MRTFA: variants seen among roughly 807,000 people sequenced by gnomAD.
MRTFA encodes the protein myocardin related transcription factor A, also known as myocardin-related transcription factor A.
A neutral mutation model predicts 83.5 loss-of-function variants in MRTFA; 20 were observed. That is an observed-to-expected ratio of 0.24 (90% CI 0.17 to 0.35). The LOEUF (loss-of-function observed/expected upper bound fraction) is 0.35, where lower values mean the gene tolerates loss of function less well. Among genes scored for constraint, MRTFA ranks in the 10% least tolerant of loss-of-function variants. The pLI, the probability that MRTFA is intolerant of heterozygous loss-of-function variation, is 1.00. For missense variants in MRTFA, 1,200 were observed against 1,224.7 expected (o/e 0.98, Z 0.30); for synonymous variants, 659 against 541.2 (o/e 1.22, Z -3.02).
intron 2 of MRTFA, among the ~76,000 whole-genome samples, chr22:40,555,667 C>T (rs1313500014): frequency 6.7e-6 from 1 of 149,734 alleles, no homozygotes; most frequent in Admixed American, 6.7e-5. Context: ...GGCAGAGTCT[C>T]GCTCTGTTGC....
chr22:40,619,671 C>G (rs1602503032), intron 1 of MRTFA, among the ~76,000 whole-genome samples: 1 of 151,972 alleles, frequency 6.6e-6, no homozygotes, highest in Middle Eastern at 3.4e-3. Flanking sequence ...GGGCGGATCA[C>G]GAGGTCAGGA....
At chr22:40,497,084 C>T (rs983660692) in intron 3 of MRTFA, among the ~76,000 whole-genome samples, 1 of 152,202 alleles carries the variant, frequency 6.6e-6, no homozygotes, top group African/African-American at 2.4e-5. Context: ...ATGGAGTTGA[C>T]ACTACAGGCT....
intron 2 of MRTFA, among the ~76,000 whole-genome samples, chr22:40,576,017 G>A (rs1423115606): frequency 1.3e-5 from 2 of 149,638 alleles, no homozygotes; most frequent in Admixed American, 6.7e-5. Context: ...CATATGTATA[G>A]ATGTAAATTT....
chr22:40,498,838 C>A (rs2054406885), intron 3 of MRTFA, among the ~76,000 whole-genome samples: 1 of 152,106 alleles, frequency 6.6e-6, no homozygotes, highest in South Asian at 2.1e-4. Context: ...TCACCTGTTG[C>A]CAACTCTGGT....
rs542428530 is a variant in MRTFA at position 40,441,820 on chromosome 22, A to G, written c.308-6266T>C. On this transcript the variant is annotated intron_variant, in intron 4 of 14. Coordinates refer to ENST00000355630, the MANE Select transcript of MRTFA (RefSeq NM_020831.6). ...AAAATATATACATGTATGTATGTGT[A>G]TATATATATATACACACACACACAC... Among the ~76,000 whole-genome samples, 58 of 147,374 alleles carry G rather than the reference A, an allele frequency of 3.9e-4. 1 individual carries two copies. Among genetic ancestry groups the G allele is most frequent in the Admixed American group, 1.5e-3 (23 of 14,856 alleles).
chr22:40,418,927 C>CG lies in MRTFA; in HGVS notation c.1810dup (p.Arg604ProfsTer128). The CG allele has an allele frequency of 1.2e-6, 2 of 1,612,770 alleles. No individual in the cohort carries two copies. Among genetic ancestry groups the CG allele is most frequent in the Non-Finnish European group, 1.7e-6 (2 of 1,179,920 alleles). On this transcript the variant is annotated frameshift_variant, in exon 12 of 15. Coordinates refer to ENST00000355630, the MANE Select transcript of MRTFA (RefSeq NM_020831.6). LOFTEE classifies it high-confidence loss of function. ...AGGGCTCAGGCAACAGGACCCGGCC[C>CG]GGGGGCCCTCCTCCTTCACGAGGAT... is the stretch of plus-strand genomic sequence containing the variant.
chr22:40,626,951 T>C (rs2056589805), intron 1 of MRTFA, among the ~76,000 whole-genome samples: 1 of 151,024 alleles, frequency 6.6e-6, no homozygotes, highest in South Asian at 2.1e-4. Flanking sequence ...ACACCAAAAT[T>C]CAACACAGTG....
At chr22:40,462,428 C>T (rs946232028) in intron 4 of MRTFA, among the ~76,000 whole-genome samples, 6 of 152,156 alleles carry the variant, frequency 3.9e-5, no homozygotes, top group African/African-American at 1.4e-4. Context: ...GTTCTCCCAC[C>T]ATGAAGCCAG....
rs558305819 is a variant in MRTFA at position 40,411,492 on chromosome 22, G to A, written c.2994C>T (p.Pro998=). 146 of 1,610,462 alleles carry A rather than the reference G, an allele frequency of 9.1e-5. No homozygotes were observed. The highest frequency in any genetic ancestry group is 5.0e-4 in the Middle Eastern group (3 of 6,044). ...TGCTGAGGGGGGCTAGGCTCAGCAC[G>A]GGACCACCTGACGACAGCTCCAGCC... Residue 998 remains proline, a synonymous_variant, in exon 15 of 15, where the codon CCC becomes CCT. Coordinates refer to ENST00000355630, the MANE Select transcript of MRTFA (RefSeq NM_020831.6).
chr22:40,595,588 G>A (rs886245367), intron 1 of MRTFA, among the ~76,000 whole-genome samples: 3 of 152,086 alleles, frequency 2.0e-5, no homozygotes, highest in African/African-American at 7.2e-5. Flanking sequence ...TTCCCTTAAG[G>A]AGTTGAGAAA....
intron 3 of MRTFA, among the ~76,000 whole-genome samples, chr22:40,543,379 C>T (rs1325968582): frequency 6.6e-6 from 1 of 152,098 alleles, no homozygotes; most frequent in African/African-American, 2.4e-5. Flanking sequence ...CCACAGGCTG[C>T]ACATGTGAAA....
chr22:40,512,316 G>A (rs2054681540), intron 3 of MRTFA, among the ~76,000 whole-genome samples: 2 of 152,228 alleles, frequency 1.3e-5, no homozygotes, highest in Admixed American at 6.5e-5. Context: ...AATGGACACA[G>A]ATGATAACCA....
chr22:40,635,469 G>A (rs2056685680), intron 1 of MRTFA, among the ~76,000 whole-genome samples: 1 of 152,292 alleles, frequency 6.6e-6, no homozygotes, highest in South Asian at 2.1e-4. Flanking sequence ...TACGAAGCAT[G>A]GGGTAATTCC....
chr22:40,494,497 T>C (rs765511219), intron 3 of MRTFA, among the ~76,000 whole-genome samples: 3 of 151,986 alleles, frequency 2.0e-5, no homozygotes, highest in Non-Finnish European at 4.4e-5. Context: ...CAGGGCAATA[T>C]AGTGAGACCT....
intron 4 of MRTFA, among the ~76,000 whole-genome samples, chr22:40,437,128 G>T (rs900392155): frequency 2.6e-5 from 4 of 152,232 alleles, no homozygotes; most frequent in African/African-American, 9.6e-5. Flanking sequence ...TAACATCAAA[G>T]AAAAACCAGT....
At chr22:40,417,157 C>G in intron 13 of MRTFA, 111 bp from the exon 14 acceptor site, 1 of 1,405,138 alleles carries the variant, frequency 7.1e-7, no homozygotes, top group Non-Finnish European at 9.7e-7. Flanking sequence ...GCCAGATCCA[C>G]AGGACCCATG....
At chr22:40,539,566 G>T (rs1372200217) in intron 3 of MRTFA, among the ~76,000 whole-genome samples, 1 of 127,994 alleles carries the variant, frequency 7.8e-6, no homozygotes, top group African/African-American at 2.6e-5. Context: ...GCAGTGGCAC[G>T]ATCTCGGCTC....
At position 40,411,612 on chromosome 22, in the gene MRTFA, CG is replaced by C; in HGVS notation, c.2873del (p.Pro958ArgfsTer43). The C allele has an allele frequency of 3.1e-6, 5 of 1,613,566 alleles. No homozygotes were observed. The highest frequency in any genetic ancestry group is 1.7e-5 in the Admixed American group (1 of 59,996). The stretch of plus-strand genomic sequence containing the variant: ...GCAATTCCGAGGTGTCCATGGGTGA[CG>C]GGGGGTGGTCCAGGATGGCAGTGCT... On this transcript the variant is annotated frameshift_variant, in exon 15 of 15. Transcript: ENST00000355630. LOFTEE classifies it high-confidence loss of function.
intron 3 of MRTFA, among the ~76,000 whole-genome samples, chr22:40,527,014 T>C (rs1231864302): frequency 6.6e-6 from 1 of 151,798 alleles, no homozygotes; most frequent in Non-Finnish European, 1.5e-5. Flanking sequence ...GTGGTCCAGC[T>C]ACTCGGGAGG....
Sources: gnomAD v4.1 joint callset for allele counts (sites outside exome capture counted in the v4.1 genomes callset) on GRCh38, gnomAD v4.1.1 for gene constraint, MANE v1.5 for transcripts, NCBI Gene and HGNC (gene_info 2026-07-23, HGNC 2026-07-21) for gene names.